THSD7B: variants seen among roughly 807,000 people sequenced by gnomAD.
The protein encoded by THSD7B is thrombospondin type-1 domain-containing protein 7B.
THSD7B carries 138 observed loss-of-function variants against 213.6 expected under a neutral mutation model. The observed-to-expected ratio is 0.65, with a 90% CI of 0.56 to 0.74. The LOEUF is 0.74. THSD7B is among the 30% of genes least tolerant of loss of function. The pLI is 0.00. For synonymous variants in THSD7B, 742 were observed against 687.0 expected, an observed-to-expected ratio of 1.08 and a Z score of -1.25; for missense variants, 1,931 against 1,991.5, an observed-to-expected ratio of 0.97 and a Z score of 0.58.
At chr2:137,195,801 C>T (rs911419486) in intron 7 of THSD7B, among the ~76,000 whole-genome samples, 17 of 152,002 alleles carry the variant, frequency 1.1e-4, no homozygotes, top group South Asian at 2.1e-4. Flanking sequence ...GAATCATCAA[C>T]GAATGTTGAC....
intron 1 of THSD7B, among the ~76,000 whole-genome samples, chr2:136,830,220 C>G (rs1682727897): frequency 6.6e-6 from 1 of 152,134 alleles, no homozygotes; most frequent in South Asian, 2.1e-4. Flanking sequence ...ATCAGAGTCT[C>G]AGTAGCAGAT....
intron 3 of THSD7B, among the ~76,000 whole-genome samples, chr2:137,060,007 T>A (rs1687242335): frequency 6.6e-6 from 1 of 152,150 alleles, no homozygotes; most frequent in African/African-American, 2.4e-5. Context: ...TAGTGGAAGT[T>A]CTATTTTGTC....
At chr2:137,226,451 T>G (rs536690938) in intron 7 of THSD7B, among the ~76,000 whole-genome samples, 2 of 151,932 alleles carry the variant, frequency 1.3e-5, no homozygotes, top group East Asian at 3.9e-4. Context: ...ACTATGCTGT[T>G]TGTTTATTTT....
intron 12 of THSD7B, among the ~76,000 whole-genome samples, chr2:137,381,086 C>T (rs923069534): frequency 2.0e-5 from 3 of 152,204 alleles, no homozygotes; most frequent in Non-Finnish European, 4.4e-5. Flanking sequence ...TAGAACCTGA[C>T]AATTGGTGTC....
intron 1 of THSD7B, among the ~76,000 whole-genome samples, chr2:136,809,969 A>G (rs1682348955): frequency 6.6e-6 from 1 of 152,200 alleles, no homozygotes; most frequent in Non-Finnish European, 1.5e-5. Flanking sequence ...GTGATTCATC[A>G]GCCCAGAGCA....
At chr2:137,378,646 G>C (rs575239917) in intron 12 of THSD7B, among the ~76,000 whole-genome samples, 4 of 152,080 alleles carry the variant, frequency 2.6e-5, no homozygotes, top group South Asian at 2.1e-4. Flanking sequence ...TTCTTTCACC[G>C]CTCATTCTTG....
intron 14 of THSD7B, among the ~76,000 whole-genome samples, chr2:137,424,311 C>T (rs972547302): frequency 7.9e-5 from 12 of 151,952 alleles, no homozygotes; most frequent in Admixed American, 2.0e-4. Flanking sequence ...AATTAATTGT[C>T]GTTCATCAAA....
chr2:136,824,645 A>G (rs1682614748), intron 1 of THSD7B, among the ~76,000 whole-genome samples: 1 of 152,146 alleles, frequency 6.6e-6, no homozygotes, highest in Non-Finnish European at 1.5e-5. Context: ...TCTGATAGCT[A>G]AGGGTGGATG....
chr2:137,663,896 G>C (rs1683399275), intron 26 of THSD7B, among the ~76,000 whole-genome samples: 1 of 152,152 alleles, frequency 6.6e-6, no homozygotes, highest in African/African-American at 2.4e-5. Context: ...CTGTCGCCCA[G>C]GCTGCAGTCC....
chr2:137,479,054 C>G (rs1046927091), intron 15 of THSD7B, among the ~76,000 whole-genome samples: 3 of 152,152 alleles, frequency 2.0e-5, no homozygotes, highest in African/African-American at 7.2e-5. Context: ...TGCTCAAATG[C>G]TAGGAATGGC....
intron 12 of THSD7B, among the ~76,000 whole-genome samples, chr2:137,403,785 C>T (rs1418306185): frequency 1.3e-5 from 2 of 152,114 alleles, no homozygotes; most frequent in Admixed American, 1.3e-4. Context: ...AATTTTGCCC[C>T]CAAGGGAACA....
chr2:137,581,537 G>A (rs905170466), intron 17 of THSD7B, among the ~76,000 whole-genome samples: 2 of 152,044 alleles, frequency 1.3e-5, no homozygotes, highest in African/African-American at 4.8e-5. Flanking sequence ...CTTGAATGGA[G>A]GACGTGGAGG....
intron 12 of THSD7B, among the ~76,000 whole-genome samples, chr2:137,311,405 A>G (rs934048012): frequency 1.3e-5 from 2 of 152,046 alleles, no homozygotes; most frequent in South Asian, 2.1e-4. Context: ...GAGATTTTAG[A>G]CTGAGACAAT....
At chr2:137,290,881 C>T (rs992722255) in intron 12 of THSD7B, among the ~76,000 whole-genome samples, 5 of 152,110 alleles carry the variant, frequency 3.3e-5, no homozygotes, top group African/African-American at 9.7e-5. Context: ...TGCTAGACCA[C>T]TGTTGATATC....
intron 15 of THSD7B, among the ~76,000 whole-genome samples, chr2:137,528,094 T>C (rs1277363120): frequency 6.6e-6 from 1 of 152,136 alleles, no homozygotes; most frequent in Non-Finnish European, 1.5e-5. Context: ...TTTCTTAACT[T>C]CAATTACATC....
chr2:137,354,154 T>A (rs984075248), intron 12 of THSD7B, among the ~76,000 whole-genome samples: 2 of 152,008 alleles, frequency 1.3e-5, no homozygotes, highest in African/African-American at 4.8e-5. Flanking sequence ...TAGTTATGTG[T>A]TCATATATTT....
At chr2:136,796,277 A>G (rs1307363043) in intron 1 of THSD7B, among the ~76,000 whole-genome samples, 2 of 151,996 alleles carry the variant, frequency 1.3e-5, no homozygotes, top group African/African-American at 4.8e-5. Context: ...TGGCAGGCTG[A>G]TTGCCAGGGA....
At chr2:137,371,399 C>A (rs1228402056) in intron 12 of THSD7B, among the ~76,000 whole-genome samples, 1 of 152,176 alleles carries the variant, frequency 6.6e-6, no homozygotes, top group Non-Finnish European at 1.5e-5. Context: ...CAGCATCTTG[C>A]AGATATTTTC....
At chr2:137,427,720 G>T (rs565430646) in intron 14 of THSD7B, among the ~76,000 whole-genome samples, 1 of 152,064 alleles carries the variant, frequency 6.6e-6, no homozygotes, top group African/African-American at 2.4e-5. Flanking sequence ...GTACAAACTT[G>T]CAGTAATGAG....
Sources: allele counts gnomAD v4.1 joint callset (sites outside exome capture counted in the v4.1 genomes callset), GRCh38; gene constraint gnomAD v4.1.1; transcripts MANE v1.5; gene names NCBI Gene and HGNC (gene_info 2026-07-23, HGNC 2026-07-21).